Variants in PLXNA4 observed in about 807,000 individuals in gnomAD.
The protein encoded by PLXNA4 is plexin-A4.
In PLXNA4, 44 loss-of-function variants were observed where a neutral mutation model predicts 191.8. That is an observed-to-expected ratio of 0.23 (90% CI 0.18 to 0.29). The LOEUF is 0.29. PLXNA4 is among the 10% of genes least tolerant of loss of function. The pLI is 1.00. For synonymous variants in PLXNA4, 1,082 were observed against 1,009.5 expected (o/e 1.07, Z -1.36); for missense variants, 1,800 against 2,488.8 (o/e 0.72, Z 5.89).
chr7:132,333,086 G>C lies in PLXNA4; in HGVS notation c.1372-34864C>G, dbSNP rs544237006. ...ATGGGTCTCACCCTGCAATTTAAAAGTCACTGGGTGAGATGCACTCCAAAG... is the reference window on the plus strand; with the variant it reads ...ATGGGTCTCACCCTGCAATTTAAAACTCACTGGGTGAGATGCACTCCAAAG... On this transcript the variant is annotated intron_variant, in intron 3 of 31. Coordinates refer to ENST00000321063, the MANE Select transcript of PLXNA4 (RefSeq NM_020911.2). 1.5e-4 allele frequency among the ~76,000 whole-genome samples: 23 copies of C among 152,278 alleles called. No homozygotes were observed. The South Asian group carries it at 4.6e-3, about 30-fold the overall frequency.
chr7:132,237,020 GGAA>G (rs759151564), intron 5 of PLXNA4, among the ~76,000 whole-genome samples: 1 of 152,198 alleles, frequency 6.6e-6, no homozygotes, highest in South Asian at 2.1e-4. Context: ...AGGCCCACTG[GGAA>G]GAAGGAGAGA....
At chr7:132,577,757 C>A (rs1432452755), upstream of PLXNA4, among the ~76,000 whole-genome samples, 1 of 152,182 alleles carries the variant, frequency 6.6e-6, no homozygotes, top group Non-Finnish European at 1.5e-5. Context: ...CAGCTCTGGG[C>A]GCTGGCCGTC....
chr7:132,634,982 A>G (rs886803456), intron 2 of PLXNA4, among the ~76,000 whole-genome samples: 2 of 151,958 alleles, frequency 1.3e-5, no homozygotes, highest in African/African-American at 4.8e-5. Context: ...GAAAAACGAG[A>G]AAAGACGAGA....
chr7:132,616,415 C>T (rs965749336), intron 2 of PLXNA4, among the ~76,000 whole-genome samples: 3 of 152,176 alleles, frequency 2.0e-5, no homozygotes, highest in Non-Finnish European at 2.9e-5. Context: ...CACTTGAGGT[C>T]AAGGGCTGCA....
intron 3 of PLXNA4, among the ~76,000 whole-genome samples, chr7:132,478,911 C>T (rs1017365860): frequency 6.6e-6 from 1 of 152,096 alleles, no homozygotes; most frequent in Non-Finnish European, 1.5e-5. Flanking sequence ...CTTCCAACCT[C>T]CTTGCCACCA....
chr7:132,167,099 A>G (rs1232986208), intron 22 of PLXNA4, among the ~76,000 whole-genome samples: 3 of 152,312 alleles, frequency 2.0e-5, no homozygotes, highest in Non-Finnish European at 2.9e-5. Flanking sequence ...GCTGGACATA[A>G]TGACATGACG....
chr7:132,529,897 G>A (rs550210325), intron 1 of PLXNA4, among the ~76,000 whole-genome samples: 7 of 152,114 alleles, frequency 4.6e-5, no homozygotes, highest in Admixed American at 2.0e-4. Flanking sequence ...GAGCCACCGC[G>A]CCTGGCCCCC....
intron 3 of PLXNA4, among the ~76,000 whole-genome samples, chr7:132,339,956 A>C (rs1262243700): frequency 6.6e-6 from 1 of 152,268 alleles, no homozygotes; most frequent in Admixed American, 6.5e-5. Flanking sequence ...TAATCTACAC[A>C]CACAGCATAT....
intron 1 of PLXNA4, among the ~76,000 whole-genome samples, chr7:132,510,098 C>T (rs959671812): frequency 5.3e-5 from 8 of 152,198 alleles, no homozygotes; most frequent in Admixed American, 5.2e-4. Context: ...CATGTGTTCC[C>T]ATTGGACAGC....
At chr7:132,429,373 G>T (rs1222052831) in intron 3 of PLXNA4, among the ~76,000 whole-genome samples, 1 of 150,564 alleles carries the variant, frequency 6.6e-6, no homozygotes, top group Non-Finnish European at 1.5e-5. Flanking sequence ...CTAGAGTAAA[G>T]ATGGGCAAAC....
chr7:132,642,244 G>A (rs533244493), intron 2 of PLXNA4, among the ~76,000 whole-genome samples: 34 of 151,966 alleles, frequency 2.2e-4, no homozygotes, highest in African/African-American at 6.8e-4. Context: ...TGGATATGTC[G>A]AAAGCCAACA....
chr7:132,560,990 C>T (rs1156912985), intron 1 of PLXNA4, among the ~76,000 whole-genome samples: 1 of 152,088 alleles, frequency 6.6e-6, no homozygotes, highest in Admixed American at 6.5e-5. Flanking sequence ...AACCTTGCTA[C>T]AGTACAAATC....
intron 3 of PLXNA4, among the ~76,000 whole-genome samples, chr7:132,310,560 C>CA (rs1380768404): frequency 1.3e-5 from 2 of 152,206 alleles, no homozygotes; most frequent in Non-Finnish European, 2.9e-5. Flanking sequence ...ACAGGACCAC[C>CA]AAACCTCTTT....
chr7:132,289,418 A>G (rs1410323772), intron 4 of PLXNA4, among the ~76,000 whole-genome samples: 1 of 152,242 alleles, frequency 6.6e-6, no homozygotes, highest in Non-Finnish European at 1.5e-5. Context: ...TCCTTTTGCT[A>G]AAAGCATAGG....
At chr7:132,639,537 C>T (rs1803674452) in intron 2 of PLXNA4, among the ~76,000 whole-genome samples, 1 of 152,156 alleles carries the variant, frequency 6.6e-6, no homozygotes. Context: ...CATGCGCCCC[C>T]ACAATCACCA....
chr7:132,185,040 C>T (rs1796830650), intron 16 of PLXNA4, among the ~76,000 whole-genome samples: 1 of 152,150 alleles, frequency 6.6e-6, no homozygotes, highest in Admixed American at 6.5e-5. Flanking sequence ...GCCTCCAGCA[C>T]AGTGCCTGTC....
At chr7:132,332,910 A>G (rs1802651684) in intron 3 of PLXNA4, among the ~76,000 whole-genome samples, 1 of 151,984 alleles carries the variant, frequency 6.6e-6, no homozygotes, top group Non-Finnish European at 1.5e-5. Context: ...TATAGACAAC[A>G]GAAGTAAAAG....
chr7:132,432,197 C>T (rs915629273), intron 3 of PLXNA4, among the ~76,000 whole-genome samples: 3 of 152,116 alleles, frequency 2.0e-5, no homozygotes, highest in Admixed American at 1.3e-4. Flanking sequence ...GAACTGGTGA[C>T]GGACGACTCA....
intron 2 of PLXNA4, among the ~76,000 whole-genome samples, chr7:132,496,275 T>C (rs73444863): frequency 0.012 from 1,762 of 152,338 alleles, 48 homozygotes; most frequent in African/African-American, 0.04. Context: ...CAGCCCCATT[T>C]TACAGAAGGG....
Sources: gnomAD v4.1 joint callset for allele counts (sites outside exome capture counted in the v4.1 genomes callset) on GRCh38, gnomAD v4.1.1 for gene constraint, MANE v1.5 for transcripts, NCBI Gene and HGNC (gene_info 2026-07-23, HGNC 2026-07-21) for gene names.